Variants in TSGA10 observed in about 807,000 individuals in gnomAD.
TSGA10 encodes testis specific 10.
Under a neutral mutation model 96.6 loss-of-function variants are expected in TSGA10, and 43 were observed. The ratio of observed to expected loss-of-function variants is 0.44; its 90% CI spans 0.35 to 0.57. The LOEUF (loss-of-function observed/expected upper bound fraction) is 0.57. TSGA10 is among the 20% of genes least tolerant of loss of function. The pLI, the probability that TSGA10 is intolerant of heterozygous loss-of-function variation, is 0.01. For synonymous variants in TSGA10, 229 were observed against 269.9 expected (o/e 0.85, Z 1.48); for missense variants, 703 against 834.4 (o/e 0.84, Z 1.94).
intron 1 of TSGA10, among the ~76,000 whole-genome samples, chr2:99,135,281 C>A (rs1443718460): frequency 3.9e-5 from 6 of 152,152 alleles, no homozygotes; most frequent in African/African-American, 1.4e-4. Flanking sequence ...ATGCCCTGCC[C>A]AGAGAGGAGG....
chr2:99,000,430 A>C (rs1482864701), intron 20 of TSGA10, among the ~76,000 whole-genome samples: 1 of 151,876 alleles, frequency 6.6e-6, no homozygotes, highest in Non-Finnish European at 1.5e-5. Flanking sequence ...GAATCACTTG[A>C]ACCTGGGAGG....
chr2:99,018,329 A>C lies in TSGA10; in HGVS notation c.1943T>G (p.Leu648Arg), dbSNP rs755356817. The C allele has an allele frequency of 2.4e-5, 38 of 1,614,046 alleles. No homozygotes were observed. In the South Asian group the frequency reaches 4.1e-4, roughly 17 times the overall value. The change falls in exon 20 of 21, where the codon CTT (leucine) becomes CGT (arginine). Residue 648 changes from leucine (L) to arginine (R), a missense_variant. Around this residue, in one of 3 missense-constraint regions of TSGA10, gnomAD observed 69 missense variants for 81.3 expected, o/e 0.85. Coordinates refer to ENST00000393483, the MANE Select transcript of TSGA10 (RefSeq NM_025244.4). The stretch of plus-strand genomic sequence containing the variant: ...ATTACTTGAATAATTTTGGCGGCGA[A>C]GTTCTTGTACGGCCCTCTCCCTAAA... ...RFERERAVQE[L>R]RRQNYSSNAY...
intron 17 of TSGA10, among the ~76,000 whole-genome samples, chr2:99,024,934 T>C (rs1483318770): frequency 1.3e-5 from 2 of 152,236 alleles, no homozygotes; most frequent in Non-Finnish European, 1.5e-5. Context: ...GATATGATGA[T>C]GTATTAATTG....
At chr2:99,146,518 G>A (rs1301295386) in intron 1 of TSGA10, among the ~76,000 whole-genome samples, 2 of 151,826 alleles carry the variant, frequency 1.3e-5, no homozygotes, top group East Asian at 3.9e-4. Flanking sequence ...TATTGTTTAA[G>A]CTTTTTAGTC....
At chr2:99,035,794 T>C (rs899833488) in intron 16 of TSGA10, among the ~76,000 whole-genome samples, 2 of 152,154 alleles carry the variant, frequency 1.3e-5, no homozygotes, top group African/African-American at 4.8e-5. Context: ...TATTTTATAA[T>C]ACAAATGCTA....
intron 10 of TSGA10, among the ~76,000 whole-genome samples, chr2:99,084,882 T>C (rs779217803): frequency 6.6e-6 from 1 of 151,684 alleles, no homozygotes; most frequent in Non-Finnish European, 1.5e-5. Context: ...TTATAAGACA[T>C]TTGAGATGGC....
chr2:99,119,268 A>C (rs2092448223), intron 2 of TSGA10, among the ~76,000 whole-genome samples: 1 of 152,190 alleles, frequency 6.6e-6, no homozygotes, highest in Non-Finnish European at 1.5e-5. Flanking sequence ...AGGCATAATT[A>C]AAGTCATTAT....
At chr2:99,098,484 A>G (rs1171766056) in intron 10 of TSGA10, among the ~76,000 whole-genome samples, 2 of 150,882 alleles carry the variant, frequency 1.3e-5, no homozygotes, top group East Asian at 3.9e-4. Context: ...AAAAGAAAAA[A>G]AGGCCTAAAA....
chr2:99,054,847 C>T (rs1256091844), intron 16 of TSGA10, among the ~76,000 whole-genome samples: 2 of 151,986 alleles, frequency 1.3e-5, no homozygotes, highest in African/African-American at 4.8e-5. Context: ...ACAAGAAAGA[C>T]GAAAGATAAA....
intron 10 of TSGA10, among the ~76,000 whole-genome samples, chr2:99,089,306 G>C (rs2088976600): frequency 6.6e-6 from 1 of 152,222 alleles, no homozygotes; most frequent in African/African-American, 2.4e-5. Context: ...GGTCCTTGGG[G>C]AGGGCTGCCA....
At chr2:99,109,134 C>T (rs894886426) in intron 6 of TSGA10, 143 bp from the exon 7 acceptor site, 8 of 781,836 alleles carry the variant, frequency 1.0e-5, no homozygotes, top group Non-Finnish European at 1.5e-5. Context: ...TTAAAAACCA[C>T]ATCTTTTTAA....
chr2:99,017,977 A>C (rs1056294095), intron 20 of TSGA10, among the ~76,000 whole-genome samples: 2 of 152,052 alleles, frequency 1.3e-5, no homozygotes, highest in African/African-American at 4.8e-5. Flanking sequence ...AAAAATATAT[A>C]ATTTATGCAA....
chr2:99,087,244 T>C (rs1296938856), intron 10 of TSGA10, among the ~76,000 whole-genome samples: 1 of 151,778 alleles, frequency 6.6e-6, no homozygotes, highest in Non-Finnish European at 1.5e-5. Context: ...CGGTAGCTAA[T>C]GCCTGTAATC....
chr2:99,038,527 A>T (rs1268801994), intron 16 of TSGA10, among the ~76,000 whole-genome samples: 1 of 152,186 alleles, frequency 6.6e-6, no homozygotes, highest in Non-Finnish European at 1.5e-5. Context: ...GACAAAGCAA[A>T]CTTTAAAGCA....
At chr2:99,131,099 G>C (rs949309029) in intron 1 of TSGA10, among the ~76,000 whole-genome samples, 3 of 152,092 alleles carry the variant, frequency 2.0e-5, no homozygotes, top group African/African-American at 7.2e-5. Context: ...TTTTGCTTAG[G>C]ATTGTCTTGG....
At chr2:99,102,151 T>C (rs2090838511) in intron 10 of TSGA10, 1 of 1,488,322 alleles carries the variant, frequency 6.7e-7, no homozygotes, top group Non-Finnish European at 9.4e-7. Context: ...ATGGAGCTGA[T>C]GAATATACTT....
At chr2:99,105,722 G>A in intron 7 of TSGA10, 25 bp from the exon 8 acceptor site, 1 of 1,572,232 alleles carries the variant, frequency 6.4e-7, no homozygotes, top group Non-Finnish European at 8.7e-7. Flanking sequence ...ATAGACTTTG[G>A]TTGAACAAGC....
intron 10 of TSGA10, among the ~76,000 whole-genome samples, chr2:99,083,805 C>T (rs1341252751): frequency 6.6e-6 from 1 of 151,990 alleles, no homozygotes; most frequent in African/African-American, 2.4e-5. Flanking sequence ...TATTAGGGAT[C>T]ATGGTGGGGG....
intron 20 of TSGA10, among the ~76,000 whole-genome samples, chr2:99,016,084 A>G (rs2079495281): frequency 6.6e-6 from 1 of 152,220 alleles, no homozygotes; most frequent in Non-Finnish European, 1.5e-5. Context: ...TGCCAAAAGC[A>G]ATATGCAAAT....
Sources: gnomAD v4.1 joint callset for allele counts (sites outside exome capture counted in the v4.1 genomes callset) on GRCh38, gnomAD v4.1.1 for gene constraint, gnomAD v4.1.1 regional missense constraint, MANE v1.5 for transcripts, NCBI Gene and HGNC (gene_info 2026-07-23, HGNC 2026-07-21) for gene names.